Variants in COL2A1 observed in about 807,000 individuals in gnomAD.
COL2A1 encodes the protein collagen type II alpha 1 chain.
In COL2A1, 28 loss-of-function variants were observed where a neutral mutation model predicts 204.5. That is an observed-to-expected ratio of 0.14 (90% CI 0.10 to 0.19). The LOEUF (loss-of-function observed/expected upper bound fraction) is 0.19, where lower values mean the gene tolerates loss of function less well. Among genes scored for constraint, COL2A1 ranks in the 10% least tolerant of loss-of-function variants. The pLI, the probability that COL2A1 is intolerant of heterozygous loss-of-function variation, is 1.00. For synonymous variants in COL2A1, 708 were observed against 718.7 expected (o/e 0.99, Z 0.24); for missense variants, 1,388 against 2,027.5 (o/e 0.68, Z 6.06).
At position 47,978,735 on chromosome 12, in the gene COL2A1, G is replaced by A; in HGVS notation, c.2757C>T (p.Pro919=). 1.9e-6 allele frequency: 3 copies of A among 1,612,996 alleles called. No individual in the cohort carries two copies. Among genetic ancestry groups the A allele is most frequent in the Middle Eastern group, 1.6e-4 (1 of 6,062 alleles). ...GACCATCTTTTCCAGAAGGACCAGGGGGACCAGGGGGTCCAGGGTTGCCCT... is the reference window on the plus strand; with the variant it reads ...GACCATCTTTTCCAGAAGGACCAGGAGGACCAGGGGGTCCAGGGTTGCCCT... ...GSNGNPGPPG[P]PGPSGKDGPK... Residue 919 remains proline, a synonymous_variant, in exon 42 of 54, where the codon CCC becomes CCT. Coordinates refer to ENST00000380518, the MANE Select transcript of COL2A1 (RefSeq NM_001844.5). This position sits in a 1 kb window ranked among gnomAD's most constrained non-coding sequence, Gnocchi z 5.5.
intron 8 of COL2A1, among the ~76,000 whole-genome samples, chr12:47,996,150 C>T (rs1258256730): frequency 6.6e-6 from 1 of 152,188 alleles, no homozygotes; most frequent in Admixed American, 6.5e-5. Flanking sequence ...TGGACAGCAG[C>T]CATGTTTACT....
chr12:47,989,126 G>A (rs12367149), intron 18 of COL2A1, 102 bp downstream of exon 18: 1 of 1,004,104 alleles, frequency 1.0e-6, no homozygotes, highest in South Asian at 1.4e-5. Context: ...CTACTTCTCA[G>A]AAGGGAGCAG....
At chr12:47,995,795 C>T (rs779220930) in intron 9 of COL2A1, 32 bp from the exon 10 acceptor site, 5 of 1,612,772 alleles carry the variant, frequency 3.1e-6, no homozygotes, top group Non-Finnish European at 4.2e-6. Context: ...CCAGGTCAAT[C>T]CCTATAAACT....
chr12:47,981,747 G>C, intron 36 of COL2A1, 29 bp downstream of exon 36: 1 of 1,550,350 alleles, frequency 6.5e-7, no homozygotes, highest in Non-Finnish European at 8.7e-7. Context: ...GGGAGGCAAG[G>C]TGTGGAGAGG....
At position 47,997,874 on chromosome 12, in the gene COL2A1, T is replaced by A. The variant is rs34392760; in HGVS notation, c.426A>T (p.Glu142Asp). 75,881 of 1,614,054 alleles carry A rather than the reference T, an allele frequency of 0.047. 2,027 individuals are homozygous for A. Among genetic ancestry groups the A allele is most frequent in the Non-Finnish European group, 0.055 (65,068 of 1,179,992 alleles). ...AGCAGCATTGCTTTTTACTCACTTTTTCACCTTTGTCACCACGATCCCCTC... is the reference window on the plus strand; with the variant it reads ...AGCAGCATTGCTTTTTACTCACTTTATCACCTTTGTCACCACGATCCCCTC... ...GPRGDRGDKG[E>D]KGAPGPRGRD... is the part of the protein sequence containing the mutation. The change falls in exon 6 of 54, where the codon GAA becomes GAT. Residue 142 changes from glutamate (E) to aspartate (D), a missense_variant. By Grantham distance (45) the Glu-to-Asp change is conservative. Coordinates refer to ENST00000380518, the MANE Select transcript of COL2A1 (RefSeq NM_001844.5).
chr12:47,990,526 G>C (rs1285371313), intron 16 of COL2A1, among the ~76,000 whole-genome samples: 1 of 152,170 alleles, frequency 6.6e-6, no homozygotes, highest in Non-Finnish European at 1.5e-5. Flanking sequence ...TTAAGGCTTG[G>C]TTAAGGCCTC....
rs996256377 is a variant in COL2A1, at chr12:47,974,089, C to T, written c.4317G>A (p.Thr1439=). Reference sequence around the variant, plus strand: ...TCTTCTCTCTGGCAGCCCCACTCACCGTGCAGCCATCCTTCAGGGCAGTGT... The same window carrying T: ...TCTTCTCTCTGGCAGCCCCACTCACTGTGCAGCCATCCTTCAGGGCAGTGT... ...FTYTALKDGC[T]KHTGKWGKTV... Residue 1439 remains threonine (T), a splice_region_variant and synonymous_variant, in exon 53 of 54, where the codon ACG becomes ACA. Coordinates refer to ENST00000380518, the MANE Select transcript of COL2A1 (RefSeq NM_001844.5). 11 of 1,614,132 alleles carry T rather than the reference C, an allele frequency of 6.8e-6. No individual in the cohort carries two copies. Among genetic ancestry groups the T allele is most frequent in the African/African-American group, 2.7e-5 (2 of 74,946 alleles).
rs959465573 is a variant in COL2A1, at chr12:47,976,151, T to C, written c.3490-81A>G. On this transcript the variant is annotated intron_variant, in intron 49 of 53. Transcript: ENST00000380518. The surrounding 1 kb of genome is among the most constrained non-coding windows in gnomAD (Gnocchi z 4.3). ...GTCGCTGGGGCTGGGTAGGTGGCTG[T>C]CCTGATAGCACCAGCCACTCCGCCC... The C allele has an allele frequency of 1.1e-5, 11 of 967,332 alleles. No individual in the cohort carries two copies. In the East Asian group the frequency reaches 2.6e-4, roughly 23 times the overall value. 59.9% of individuals were successfully genotyped at this position (967,332 alleles called of 1,614,324 possible). A position where few individuals can be genotyped will look rare whatever the true frequency, so the allele number is the denominator to read the frequency against.
chr12:48,001,614 C>T (rs1366596876), intron 1 of COL2A1, among the ~76,000 whole-genome samples: 2 of 152,144 alleles, frequency 1.3e-5, no homozygotes, highest in Non-Finnish European at 2.9e-5. Context: ...CGGGGAAGGG[C>T]GGCCCGGGAA....
upstream of COL2A1, chr12:48,005,870 A>C (rs1940450966): frequency 6.6e-6 from 1 of 152,238 alleles, no homozygotes; most frequent in Non-Finnish European, 1.5e-5. Context: ...TTAGGCTTCC[A>C]CCAGGGGTCC....
Position 47,989,274 on chromosome 12 carries a change from A to G in COL2A1, c.1076T>C (p.Val359Ala). 9 of 1,613,048 alleles carry G rather than the reference A, an allele frequency of 5.6e-6. No homozygotes were observed. The highest frequency in any genetic ancestry group is 7.6e-6 in the Non-Finnish European group (9 of 1,179,812). The stretch of plus-strand genomic sequence containing the variant: ...GAAGCCAGGACCACCAGCAGGACCG[A>G]CAGGACCCTGGAGAGAGTAGGCGGA... ...QPGPAGPPGP[V>A]GPAGGPGFPG... Residue 359 changes from valine to alanine, a missense_variant, in exon 18 of 54, where the codon GTC becomes GCC. By Grantham distance (64) the Val-to-Ala change is moderately conservative. Coordinates refer to ENST00000380518, the MANE Select transcript of COL2A1 (RefSeq NM_001844.5).
chr12:47,986,955 T>A (rs776076424), intron 21 of COL2A1, 67 bp from the exon 22 acceptor site: 1 of 1,602,778 alleles, frequency 6.2e-7, no homozygotes, highest in Non-Finnish European at 8.5e-7. Flanking sequence ...CCAGAACCCC[T>A]GTTCAAGATG....
At chr12:47,993,421 T>A (rs1279830979) in intron 15 of COL2A1, 37 bp downstream of exon 15, 2 of 1,504,106 alleles carry the variant, frequency 1.3e-6, no homozygotes, top group African/African-American at 2.8e-5. Context: ...GTCTGAAGAG[T>A]CTTTGATAAA....
upstream of COL2A1, chr12:48,004,622 G>T (rs1940392823): frequency 3.6e-6 from 1 of 280,420 alleles, no homozygotes; most frequent in Non-Finnish European, 6.7e-6. Flanking sequence ...CCCTGCCAGT[G>T]CCCGCACCTG....
At chr12:47,988,050 G>T (rs145512548) in intron 18 of COL2A1, among the ~76,000 whole-genome samples, 1 of 152,286 alleles carries the variant, frequency 6.6e-6, no homozygotes, top group East Asian at 1.9e-4. Flanking sequence ...TGGGGACCCT[G>T]CCATCCTGGC....
intron 16 of COL2A1, among the ~76,000 whole-genome samples, chr12:47,991,787 G>A (rs75891549): frequency 4.1e-4 from 62 of 152,334 alleles, no homozygotes; most frequent in African/African-American, 1.5e-3. Flanking sequence ...AAGGCCACAA[G>A]CCAGCATCCT....
chr12:47,998,624 T>C, intron 2 of COL2A1, 193 bp from the exon 3 acceptor site: 1 of 624,556 alleles, frequency 1.6e-6, no homozygotes, highest in East Asian at 2.8e-5. Context: ...GTTGCTGAGG[T>C]CCCATGAGGA....
At chr12:47,999,562 C>T (rs919326293) in intron 2 of COL2A1, 3 of 261,628 alleles carry the variant, frequency 1.1e-5, no homozygotes, top group Non-Finnish European at 1.5e-5. Flanking sequence ...GGAATTAATT[C>T]GTGGATTGGC....
At chr12:47,977,713 T>C (rs1592201241) in intron 44 of COL2A1, 60 bp from the exon 45 acceptor site, 1 of 1,561,446 alleles carries the variant, frequency 6.4e-7, no homozygotes. Context: ...CCCCCTCTGC[T>C]CCCCCAGCCC....
Sources: allele counts gnomAD v4.1 joint callset (sites outside exome capture counted in the v4.1 genomes callset), GRCh38; gene constraint gnomAD v4.1.1; non-coding constraint Gnocchi (gnomAD v3.1); transcripts MANE v1.5; gene names NCBI Gene and HGNC (gene_info 2026-07-23, HGNC 2026-07-21).